Variants in CAMSAP1 observed in about 807,000 individuals in gnomAD.
CAMSAP1 encodes the protein calmodulin-regulated spectrin-associated protein 1.
A neutral mutation model predicts 143.5 loss-of-function variants in CAMSAP1; 58 were observed. The observed-to-expected ratio is 0.40, with a 90% confidence interval of 0.33 to 0.50. The LOEUF (loss-of-function observed/expected upper bound fraction) is 0.50, where lower values mean the gene tolerates loss of function less well. Ranked by LOEUF, CAMSAP1 falls within the 20% of genes least tolerant of loss-of-function variation. CAMSAP1 has a pLI of 0.45. For missense variants in CAMSAP1, 1,969 were observed against 2,115.7 expected, an observed-to-expected ratio of 0.93 and a Z score of 1.36; for synonymous variants, 945 against 859.3, an observed-to-expected ratio of 1.10 and a Z score of -1.74.
intron 14 of CAMSAP1, chr9:135,817,725 G>C: frequency 2.3e-6 from 1 of 439,514 alleles, no homozygotes; most frequent in Non-Finnish European, 4.2e-6. Context: ...CGATGAAGAA[G>C]CAGGTGTGCA....
At chr9:135,889,110 C>T (rs1319018082) in intron 1 of CAMSAP1, among the ~76,000 whole-genome samples, 1 of 152,202 alleles carries the variant, frequency 6.6e-6, no homozygotes, top group East Asian at 1.9e-4. Flanking sequence ...GAAGCAACTA[C>T]AGTGGCACAG....
chr9:135,829,834 C>A (rs1273593508), intron 7 of CAMSAP1, among the ~76,000 whole-genome samples: 1 of 148,752 alleles, frequency 6.7e-6, no homozygotes, highest in Non-Finnish European at 1.5e-5. Flanking sequence ...GCCTGGGCGA[C>A]AGAGCGAGAC....
At chr9:135,867,549 A>G (rs1837424639) in intron 3 of CAMSAP1, among the ~76,000 whole-genome samples, 1 of 151,992 alleles carries the variant, frequency 6.6e-6, no homozygotes, top group African/African-American at 2.4e-5. Context: ...ACATAACATG[A>G]AACAGTCATA....
chr9:135,905,492 C>A (rs1564466669), intron 1 of CAMSAP1, among the ~76,000 whole-genome samples: 2 of 152,292 alleles, frequency 1.3e-5, no homozygotes, highest in East Asian at 3.9e-4. Flanking sequence ...GAGCCATGCC[C>A]AAGAATGCAC....
chr9:135,872,140 G>C (rs1157763357), intron 3 of CAMSAP1, among the ~76,000 whole-genome samples: 1 of 152,004 alleles, frequency 6.6e-6, no homozygotes, highest in East Asian at 1.9e-4. Context: ...CAAACTGTGT[G>C]AAACTCTTGA....
chr9:135,832,871 G>A (rs1835899077), intron 7 of CAMSAP1, among the ~76,000 whole-genome samples: 1 of 152,248 alleles, frequency 6.6e-6, no homozygotes, highest in South Asian at 2.1e-4. Context: ...GAACACTGAT[G>A]AAAGAAATTG....
chr9:135,877,844 A>G (rs951427508), intron 3 of CAMSAP1, among the ~76,000 whole-genome samples: 1 of 152,116 alleles, frequency 6.6e-6, no homozygotes, highest in Non-Finnish European at 1.5e-5. Context: ...AGACAACAAC[A>G]ACAACTGGCT....
At chr9:135,859,829 C>CT (rs1380872223) in intron 5 of CAMSAP1, among the ~76,000 whole-genome samples, 1 of 152,080 alleles carries the variant, frequency 6.6e-6, no homozygotes, top group Non-Finnish European at 1.5e-5. Context: ...TTCACTCTGT[C>CT]TTAAGATCCC....
Position 135,907,410 on chromosome 9 carries a change from A to AGGGCGCGGGCCGGGGGCGGGGGC in CAMSAP1, c.-274_-252dup, listed in dbSNP as rs1035592911. On this transcript the variant is annotated 5_prime_UTR_variant, in exon 1 of 17. Coordinates refer to ENST00000389532, the MANE Select transcript of CAMSAP1 (RefSeq NM_015447.4). ...CGCGGCCCAAAGAGGCGGCGGCAGG[A>AGGGCGCGGGCCGGGGGCGGGGGC]GGGCGCGGGCCGGGGGCGGGGGCGG... is the stretch of plus-strand genomic sequence containing the variant. Among the ~76,000 whole-genome samples the AGGGCGCGGGCCGGGGGCGGGGGC allele has an allele frequency of 2.1e-5, 3 of 144,792 alleles. No individual in the cohort carries two copies. Among genetic ancestry groups the AGGGCGCGGGCCGGGGGCGGGGGC allele is most frequent in the African/African-American group, 7.4e-5 (3 of 40,300 alleles). The allele number at this position is 144,792 out of a possible 152,430, so 95.0% of individuals were successfully genotyped here.
intron 1 of CAMSAP1, among the ~76,000 whole-genome samples, chr9:135,891,892 T>C (rs1838301435): frequency 6.6e-6 from 1 of 152,122 alleles, no homozygotes; most frequent in East Asian, 1.9e-4. Flanking sequence ...AAAAGTACAA[T>C]GGCAACATAA....
At chr9:135,864,622 G>C (rs565449698) in intron 4 of CAMSAP1, among the ~76,000 whole-genome samples, 1 of 152,278 alleles carries the variant, frequency 6.6e-6, no homozygotes, top group South Asian at 2.1e-4. Context: ...TAACAAACTG[G>C]CTCCGCTTCC....
chr9:135,848,565 C>G (rs1391550695), intron 7 of CAMSAP1, among the ~76,000 whole-genome samples: 1 of 150,856 alleles, frequency 6.6e-6, no homozygotes, highest in Non-Finnish European at 1.5e-5. Flanking sequence ...ATACACACCC[C>G]CTGGAAAACA....
At chr9:135,829,696 A>C (rs938748789) in intron 7 of CAMSAP1, among the ~76,000 whole-genome samples, 1 of 151,872 alleles carries the variant, frequency 6.6e-6, no homozygotes, top group Non-Finnish European at 1.5e-5. Flanking sequence ...CTACCGAAAA[A>C]ACAAAAATTA....
In CAMSAP1 at chr9:135,811,189, C is replaced by T; in HGVS notation, c.*120G>A. The T allele has an allele frequency of 2.5e-6, 3 of 1,194,250 alleles. No individual in the cohort carries two copies. Among genetic ancestry groups the T allele is most frequent in the Admixed American group, 2.7e-5 (1 of 36,700 alleles). 74.0% of individuals were successfully genotyped at this position (1,194,250 alleles called of 1,614,324 possible). ...TTTGCAAAAGGTCTGTGACTTTGCA[C>T]ACTTCGTACCCAAATAGATGAAAAC... On this transcript the variant is annotated 3_prime_UTR_variant, in exon 17 of 17. Coordinates refer to ENST00000389532, the MANE Select transcript of CAMSAP1 (RefSeq NM_015447.4). The surrounding 1 kb of genome is among the most constrained non-coding windows in gnomAD (Gnocchi z 4.9).
At chr9:135,833,345 T>G in intron 7 of CAMSAP1, among the ~76,000 whole-genome samples, 1 of 152,066 alleles carries the variant, frequency 6.6e-6, no homozygotes. Context: ...CCTCCCAAAG[T>G]GCTGGGATTA....
At chr9:135,876,226 T>G (rs1237921798) in intron 3 of CAMSAP1, among the ~76,000 whole-genome samples, 1 of 152,208 alleles carries the variant, frequency 6.6e-6, no homozygotes, top group African/African-American at 2.4e-5. Flanking sequence ...GTGCTGTGAT[T>G]ACAGGTGTGA....
In CAMSAP1 at chr9:135,811,503, G is replaced by A. The variant is rs764997184; in HGVS notation, c.4615C>T (p.Leu1539Phe). Residue 1539 changes from leucine to phenylalanine, a missense_variant, in exon 17 of 17, where the codon CTC becomes TTC. Physicochemically the swap from Leu to Phe is conservative, Grantham distance 22. Coordinates refer to ENST00000389532, the MANE Select transcript of CAMSAP1 (RefSeq NM_015447.4). This position sits in a 1 kb window ranked among gnomAD's most constrained non-coding sequence, Gnocchi z 4.9. The part of the protein sequence containing the change: ...YYPDTEEIYK[L>F]TGTGPKNITK... ...ATGTTCTTTGGCCCCGTGCCAGTGAGTTTGTAGATTTCCTCAGTATCAGGA... is the reference window on the plus strand; with the variant it reads ...ATGTTCTTTGGCCCCGTGCCAGTGAATTTGTAGATTTCCTCAGTATCAGGA... 1.2e-6 allele frequency: 2 copies of A among 1,610,288 alleles called. No individual in the cohort carries two copies. The highest frequency in any genetic ancestry group is 8.5e-7 in the Non-Finnish European group (1 of 1,178,068).
chr9:135,899,722 CTCCCCTCCACTTCCCCCTA>C (rs1011244984), intron 1 of CAMSAP1, among the ~76,000 whole-genome samples: 15 of 152,190 alleles, frequency 9.9e-5, no homozygotes, highest in Non-Finnish European at 1.3e-4. Flanking sequence ...ACATCACGCA[CTCCCCTCCACTTCCCCCTA>C]TTGTCTTTGC....
At chr9:135,812,517 G>C (rs548629072) in intron 16 of CAMSAP1, among the ~76,000 whole-genome samples, 1 of 151,970 alleles carries the variant, frequency 6.6e-6, no homozygotes, top group South Asian at 2.1e-4. Flanking sequence ...AAGACTTAGG[G>C]GGGTGACTGT....
Sources: gnomAD v4.1 joint callset for allele counts (sites outside exome capture counted in the v4.1 genomes callset) on GRCh38, gnomAD v4.1.1 for gene constraint, Gnocchi (gnomAD v3.1) non-coding constraint, MANE v1.5 for transcripts, NCBI Gene and HGNC (gene_info 2026-07-23, HGNC 2026-07-21) for gene names.